RPS6KA4: variants seen among roughly 807,000 people sequenced by gnomAD.
RPS6KA4 encodes the protein ribosomal protein S6 kinase alpha-4.
Under a neutral mutation model 89.6 loss-of-function variants are expected in RPS6KA4, and 38 were observed. That is an observed-to-expected ratio of 0.42 (90% CI 0.33 to 0.56). RPS6KA4 has a LOEUF of 0.56. Among genes scored for constraint, RPS6KA4 ranks in the 20% least tolerant of loss-of-function variants. The pLI is 0.07. For synonymous variants in RPS6KA4, 495 were observed against 492.8 expected (o/e 1.00, Z -0.06); for missense variants, 873 against 1,098.8 (o/e 0.79, Z 2.90).
chr11:64,369,847 A>G lies in RPS6KA4; in HGVS notation c.1751A>G (p.Gln584Arg), dbSNP rs757547013. The G allele has an allele frequency of 5.1e-6, 8 of 1,579,422 alleles. No individual in the cohort carries two copies. In the African/African-American group the frequency reaches 9.4e-5, roughly 19 times the overall value. The change falls in exon 14 of 17, where the codon CAG (glutamine) becomes CGG (arginine). Residue 584 changes from glutamine (Q) to arginine (R), a missense_variant. Gln to Arg is a conservative substitution (Grantham distance 43). Around this residue, in one of 4 missense-constraint regions of RPS6KA4, gnomAD observed 278 missense variants for 284.8 expected, o/e 0.98. Transcript: ENST00000334205. ...QYAAPELLAQ[Q>R]GYDESCDLWS... is the part of the protein sequence containing the mutation. ...GCTGCCCCCGAGCTGCTGGCGCAGC[A>G]GGGCTACGACGAGTCCTGCGACCTC...
Position 64,368,660 on chromosome 11 carries a change from G to T in RPS6KA4, c.1335-44G>T, listed in dbSNP as rs1468605848. ...TGGCAGAGCGCTGTCCCGGGGGCGG[G>T]GCCGAAGCGCGGCGACCGTAACTCC... is the stretch of plus-strand genomic sequence containing the variant. On this transcript the variant is annotated intron_variant, in intron 11 of 16. Coordinates refer to ENST00000334205, the MANE Select transcript of RPS6KA4 (RefSeq NM_003942.3). 6 of 1,573,934 alleles carry T rather than the reference G, an allele frequency of 3.8e-6. No individual in the cohort carries two copies. In the Admixed American group the frequency reaches 1.1e-4, roughly 29 times the overall value.
At chr11:64,369,641 C>A in intron 13 of RPS6KA4, 22 bp downstream of exon 13, 2 of 1,599,166 alleles carry the variant, frequency 1.3e-6, no homozygotes, top group Non-Finnish European at 8.5e-7. Context: ...GCCTCGGCGG[C>A]GGGGCGGAGC....
chr11:64,370,326 C>T lies in RPS6KA4; in HGVS notation c.1899C>T (p.Phe633=). ...TGTGCAAAATCCGCGAGGGGCGCTT[C>T]TCCCTTGACGGGGAGGCCTGGCAGG... ...EIMCKIREGR[F]SLDGEAWQGV... The change falls in exon 15 of 17, where the codon TTC becomes TTT. Residue 633 remains phenylalanine (F), a synonymous_variant. Transcript: ENST00000334205. The surrounding 1 kb of genome is among the most constrained non-coding windows in gnomAD (Gnocchi z 4.1). The T allele has an allele frequency of 6.2e-7, 1 of 1,600,782 alleles. No individual in the cohort carries two copies. The highest frequency in any genetic ancestry group is 1.4e-5 in the African/African-American group (1 of 74,016).
intron 9 of RPS6KA4, among the ~76,000 whole-genome samples, chr11:64,366,110 C>T (rs763347484): frequency 4.6e-5 from 7 of 151,802 alleles, no homozygotes; most frequent in Admixed American, 4.6e-4. Context: ...GATATTGTGG[C>T]TTTGCATGCC....
rs2036762984 is a variant in RPS6KA4 at position 64,361,884 on chromosome 11, C to A, written c.788C>A (p.Pro263His). 1 of 1,613,038 alleles carries A rather than the reference C, an allele frequency of 6.2e-7. No individual in the cohort carries two copies. The highest frequency in any genetic ancestry group is 8.5e-7 in the Non-Finnish European group (1 of 1,179,892). ...CTGAAGTGCTCCCCTCCCTTCCCCC[C>A]TCGGATCGGGCCCGTGGCGCAGGAC... The part of the protein sequence containing the change: ...RILKCSPPFP[P>H]RIGPVAQDLL... The change falls in exon 8 of 17, where the codon CCT becomes CAT. Residue 263 changes from proline to histidine, a missense_variant. Transcript: ENST00000334205. This position sits in a 1 kb window ranked among gnomAD's most constrained non-coding sequence, Gnocchi z 4.7.
At chr11:64,359,653 C>T (rs2036687706) in intron 2 of RPS6KA4, 9 of 598,042 alleles carry the variant, frequency 1.5e-5, no homozygotes, top group South Asian at 1.4e-4. Flanking sequence ...CCTCCCTCCA[C>T]GGTCCTGTGC....
chr11:64,365,867 C>T (rs1012801631), intron 9 of RPS6KA4, among the ~76,000 whole-genome samples: 2 of 151,942 alleles, frequency 1.3e-5, no homozygotes, highest in African/African-American at 4.8e-5. Context: ...GGGGAAACCC[C>T]GTCTCTACTA....
At chr11:64,360,095 C>G in intron 2 of RPS6KA4, 68 bp from the exon 3 acceptor site, 1 of 1,439,584 alleles carries the variant, frequency 6.9e-7, no homozygotes. Flanking sequence ...TGGCATCGCC[C>G]CCACCCCCCA....
At position 64,361,797 on chromosome 11, in the gene RPS6KA4, G is replaced by C. The variant is rs770305097; in HGVS notation, c.755+52G>C. On this transcript the variant is annotated intron_variant, in intron 7 of 16. Transcript: ENST00000334205. The surrounding 1 kb of genome is among the most constrained non-coding windows in gnomAD (Gnocchi z 4.7). ...GCCAGAGGGCTGCAGGGCCTGCCTG[G>C]GCAGGGCTGTGGGTGGGGGGCTTGC... 1.9e-6 allele frequency: 3 copies of C among 1,587,532 alleles called. No individual in the cohort carries two copies. The South Asian group carries it at 3.4e-5, about 18-fold the overall frequency.
chr11:64,371,325 G>A lies in RPS6KA4; in HGVS notation c.2164G>A (p.Val722Met), dbSNP rs902255820. 1 of 1,612,898 alleles carries A rather than the reference G, an allele frequency of 6.2e-7. No individual in the cohort carries two copies. Among genetic ancestry groups the A allele is most frequent in the Non-Finnish European group, 8.5e-7 (1 of 1,179,956 alleles). ...GKREGFFLKS[V>M]ENAPLAKRRK... ...GCGGGAGGGCTTCTTCCTGAAGAGC[G>A]TGGAGAATGCACCCCTGGCCAAGCG... The change falls in exon 17 of 17, where the codon GTG (valine) becomes ATG (methionine). Residue 722 changes from valine to methionine, a missense_variant. Transcript: ENST00000334205.
intron 9 of RPS6KA4, among the ~76,000 whole-genome samples, chr11:64,367,380 G>A (rs993980762): frequency 5.9e-5 from 9 of 152,258 alleles, no homozygotes; most frequent in East Asian, 1.9e-4. Context: ...GCATGATATC[G>A]GCTCACCGCA....
In RPS6KA4 at chr11:64,370,809, A is replaced by G. The variant is rs2037045620; in HGVS notation, c.2121+83A>G. ...TGGGGAGGCCCGGCCATCGGAGCAC[A>G]GAAAGGCGAGGTGAGGCCGGGCGCG... On this transcript the variant is annotated intron_variant, in intron 16 of 16. Transcript: ENST00000334205. The surrounding 1 kb of genome is among the most constrained non-coding windows in gnomAD (Gnocchi z 4.1). The G allele has an allele frequency of 7.0e-7, 1 of 1,428,226 alleles. No individual in the cohort carries two copies. The highest frequency in any genetic ancestry group is 9.2e-7 in the Non-Finnish European group (1 of 1,088,992). 88.5% of individuals were successfully genotyped at this position (1,428,226 alleles called of 1,614,324 possible).
rs1361109859 is a variant in RPS6KA4 at position 64,371,559 on chromosome 11, G to A, written c.*79G>A. 6 of 627,648 alleles carry A rather than the reference G, an allele frequency of 9.6e-6. No homozygotes were observed. Among genetic ancestry groups the A allele is most frequent in the Non-Finnish European group, 1.4e-5 (5 of 357,606 alleles). The allele number at this position is 627,648 out of a possible 1,614,324, so 38.9% of individuals were successfully genotyped here. ...CTCACTCCCGGAGGCCTCTGCCTGC[G>A]GCTGACCTGATCCCCAAGGGACTGT... On this transcript the variant is annotated 3_prime_UTR_variant, in exon 17 of 17. Transcript: ENST00000334205.
Position 64,361,928 on chromosome 11 carries a change from T to C in RPS6KA4, c.832T>C (p.Cys278Arg), listed in dbSNP as rs1359934341. 1.2e-6 allele frequency: 2 copies of C among 1,611,624 alleles called. No individual in the cohort carries two copies. Among genetic ancestry groups the C allele is most frequent in the Non-Finnish European group, 1.7e-6 (2 of 1,179,454 alleles). Reference sequence around the variant, plus strand: ...GCAGGACCTGCTGCAGCGGCTGCTTTGTAAGGATCCTAAGAAGCGATTGGG... The same window carrying C: ...GCAGGACCTGCTGCAGCGGCTGCTTCGTAAGGATCCTAAGAAGCGATTGGG... ...VAQDLLQRLL[C>R]KDPKKRLGAG... Residue 278 changes from cysteine (C) to arginine (R), a missense_variant, in exon 8 of 17, where the codon TGT (cysteine) becomes CGT (arginine). Transcript: ENST00000334205. This position sits in a 1 kb window ranked among gnomAD's most constrained non-coding sequence, Gnocchi z 4.7.
At chr11:64,369,343 C>G (rs958642587) in intron 12 of RPS6KA4, 103 bp from the exon 13 acceptor site, 1 of 1,272,874 alleles carries the variant, frequency 7.9e-7, no homozygotes, top group Non-Finnish European at 1.0e-6. Context: ...AGGGGGTTCT[C>G]GAACATTGGC....
chr11:64,368,254 G>A lies in RPS6KA4; in HGVS notation c.1194G>A (p.Met398Ile). ...PGRAAVARSA[M>I]MQDSPFFQQY... ...GGGCAGCGGTGGCCAGGAGCGCTAT[G>A]ATGCAGGTGGGCTGGGCTGGGCTGG... Residue 398 changes from methionine (M) to isoleucine (I), a missense_variant, in exon 10 of 17, where the codon ATG becomes ATA. Coordinates refer to ENST00000334205, the MANE Select transcript of RPS6KA4 (RefSeq NM_003942.3). 1.2e-6 allele frequency: 2 copies of A among 1,611,624 alleles called. No homozygotes were observed. Among genetic ancestry groups the A allele is most frequent in the African/African-American group, 1.3e-5 (1 of 75,026 alleles).
chr11:64,369,089 C>T (rs1046371516), intron 12 of RPS6KA4, among the ~76,000 whole-genome samples: 2 of 151,934 alleles, frequency 1.3e-5, no homozygotes, highest in African/African-American at 2.4e-5. Context: ...GTCGGGAGTT[C>T]GAGACCAGCC....
rs772984191 is a variant in RPS6KA4, at chr11:64,370,329, C to G, written c.1902C>G (p.Ser634=). The change falls in exon 15 of 17, where the codon TCC becomes TCG. Residue 634 remains serine, a synonymous_variant. Coordinates refer to ENST00000334205, the MANE Select transcript of RPS6KA4 (RefSeq NM_003942.3). This position sits in a 1 kb window ranked among gnomAD's most constrained non-coding sequence, Gnocchi z 4.1. The part of the protein sequence containing the change: ...IMCKIREGRF[S]LDGEAWQGVS... The stretch of plus-strand genomic sequence containing the variant: ...GCAAAATCCGCGAGGGGCGCTTCTC[C>G]CTTGACGGGGAGGCCTGGCAGGGTG... The G allele has an allele frequency of 6.2e-7, 1 of 1,602,996 alleles. No individual in the cohort carries two copies. Among genetic ancestry groups the G allele is most frequent in the Non-Finnish European group, 8.5e-7 (1 of 1,176,880 alleles).
intron 3 of RPS6KA4, 29 bp downstream of exon 3, chr11:64,360,410 TG>T: frequency 6.4e-7 from 1 of 1,561,928 alleles, no homozygotes; most frequent in Non-Finnish European, 8.7e-7. Context: ...CCAACGGGGT[TG>T]GGGTGGCTGG....
Sources: allele counts gnomAD v4.1 joint callset (sites outside exome capture counted in the v4.1 genomes callset), GRCh38; gene constraint gnomAD v4.1.1; regional missense constraint gnomAD v4.1.1; non-coding constraint Gnocchi (gnomAD v3.1); transcripts MANE v1.5; gene names NCBI Gene and HGNC (gene_info 2026-07-23, HGNC 2026-07-21).